The following SAMD3 variants were observed in gnomAD, a reference collection of about 807,000 sequenced individuals.
The protein encoded by SAMD3 is sterile alpha motif domain containing 3, also known as sterile alpha motif domain-containing protein 3.
A neutral mutation model predicts 58.5 loss-of-function variants in SAMD3; 63 were observed. The observed-to-expected ratio is 1.08, with a 90% CI of 0.88 to 1.33. The LOEUF (loss-of-function observed/expected upper bound fraction) is 1.33. SAMD3 is among the 40% of genes most tolerant of loss of function. SAMD3 has a pLI of 0.00. For missense variants in SAMD3, 604 were observed against 608.4 expected (o/e 0.99, Z 0.08); for synonymous variants, 220 against 210.3 (o/e 1.05, Z -0.40).
intron 2 of SAMD3, among the ~76,000 whole-genome samples, chr6:130,264,398 G>C (rs900902829): frequency 4.6e-5 from 7 of 152,184 alleles, no homozygotes; most frequent in African/African-American, 1.7e-4. Context: ...ATTTTCAAGA[G>C]CTTATCAATC....
chr6:130,199,168 T>C (rs1317256908), intron 5 of SAMD3, among the ~76,000 whole-genome samples: 1 of 152,156 alleles, frequency 6.6e-6, no homozygotes, highest in Non-Finnish European at 1.5e-5. Context: ...CCACCAGCAA[T>C]AGTATTAGTA....
chr6:130,235,385 T>C (rs1773110704), intron 2 of SAMD3, among the ~76,000 whole-genome samples: 1 of 152,254 alleles, frequency 6.6e-6, no homozygotes. Context: ...TTTTATTCCC[T>C]ACTGTGCTTG....
At chr6:130,362,055 C>T (rs537038654) in intron 1 of SAMD3, among the ~76,000 whole-genome samples, 12 of 152,328 alleles carry the variant, frequency 7.9e-5, no homozygotes, top group South Asian at 6.2e-4. Flanking sequence ...TGTAACACCA[C>T]ACCACCATCA....
chr6:130,196,690 G>GC (rs1794149141), intron 5 of SAMD3, among the ~76,000 whole-genome samples: 1 of 151,948 alleles, frequency 6.6e-6, no homozygotes, highest in Non-Finnish European at 1.5e-5. Context: ...GATTATTCAG[G>GC]CCCCCTCCCT....
At chr6:130,365,386 G>T (rs1272899661) in exon 1 of SAMD3, 2 of 985,544 alleles carry the variant, frequency 2.0e-6, no homozygotes, top group Non-Finnish European at 2.4e-6. Flanking sequence ...TGCCGGGCCG[G>T]CGGGAAGCGT....
intron 2 of SAMD3, among the ~76,000 whole-genome samples, chr6:130,303,476 G>A (rs1321949793): frequency 6.6e-6 from 1 of 152,078 alleles, no homozygotes; most frequent in East Asian, 1.9e-4. Context: ...TCCTCAATCT[G>A]AACCTTTTCC....
intron 2 of SAMD3, among the ~76,000 whole-genome samples, chr6:130,257,934 A>G (rs1352207244): frequency 3.3e-5 from 5 of 152,138 alleles, no homozygotes; most frequent in African/African-American, 1.2e-4. Flanking sequence ...TATACGATCC[A>G]TGCACTTATA....
At chr6:130,352,679 C>T (rs903555225) in intron 1 of SAMD3, among the ~76,000 whole-genome samples, 9 of 152,134 alleles carry the variant, frequency 5.9e-5, no homozygotes, top group Admixed American at 2.6e-4. Context: ...GGTCTTCATG[C>T]TCACTGAGTT....
At chr6:130,223,301 A>G (rs988635456), upstream of SAMD3, among the ~76,000 whole-genome samples, 1 of 152,218 alleles carries the variant, frequency 6.6e-6, no homozygotes, top group Non-Finnish European at 1.5e-5. Context: ...TTTTCTTTGT[A>G]GCTACATCAT....
At chr6:130,173,209 G>A (rs1474539720) in intron 8 of SAMD3, among the ~76,000 whole-genome samples, 2 of 152,096 alleles carry the variant, frequency 1.3e-5, no homozygotes, top group Non-Finnish European at 2.9e-5. Context: ...CTCATTTTCT[G>A]TTCAGTTTTG....
intron 1 of SAMD3, among the ~76,000 whole-genome samples, chr6:130,332,970 G>C (rs1776982641): frequency 6.6e-6 from 1 of 151,928 alleles, no homozygotes; most frequent in Non-Finnish European, 1.5e-5. Flanking sequence ...CCACTTGGTA[G>C]ATTTAGTGAT....
rs1030201289 is a variant in SAMD3 at position 130,298,215 on chromosome 6, T to C, written c.-188+14763A>G. Among the ~76,000 whole-genome samples, 9 of 152,152 alleles carry C rather than the reference T, an allele frequency of 5.9e-5. No individual in the cohort carries two copies. The East Asian group carries it at 1.7e-3, about 29-fold the overall frequency. On this transcript the variant is annotated intron_variant, in intron 2 of 13. Transcript: ENST00000368134. ...CAGAAACATTACAAACCAAAAGAGATTGGGGGCCTAGTTTTAGCCTTCTTA... is the reference window on the plus strand; with the variant it reads ...CAGAAACATTACAAACCAAAAGAGACTGGGGGCCTAGTTTTAGCCTTCTTA...
chr6:130,142,931 T>C (rs930826770), downstream of SAMD3: 1 of 152,238 alleles, frequency 6.6e-6, no homozygotes, highest in Non-Finnish European at 1.5e-5. Flanking sequence ...AAAGGTACAT[T>C]CTAATGAAAG....
chr6:130,212,476 A>C (rs1367447512), intron 4 of SAMD3, among the ~76,000 whole-genome samples: 3 of 152,232 alleles, frequency 2.0e-5, no homozygotes, highest in African/African-American at 7.2e-5. Context: ...TTTCATACTT[A>C]ACACAGGACT....
intron 2 of SAMD3, among the ~76,000 whole-genome samples, chr6:130,263,717 GC>G (rs1156959254): frequency 5.3e-5 from 8 of 152,140 alleles, no homozygotes; most frequent in South Asian, 4.1e-4. Flanking sequence ...GTGGAGACTT[GC>G]CAAGTCAAAG....
intron 2 of SAMD3, among the ~76,000 whole-genome samples, chr6:130,279,974 T>G (rs1290534054): frequency 6.6e-6 from 1 of 152,164 alleles, no homozygotes; most frequent in African/African-American, 2.4e-5. Context: ...CTTTCTCCCC[T>G]TTGACTCTTA....
At chr6:130,279,919 C>T (rs187032758) in intron 2 of SAMD3, among the ~76,000 whole-genome samples, 2 of 152,294 alleles carry the variant, frequency 1.3e-5, no homozygotes, top group East Asian at 3.9e-4. Context: ...AGTCTTTGAG[C>T]TGCACCTCCC....
At chr6:130,240,533 A>C (rs1392948980) in intron 2 of SAMD3, among the ~76,000 whole-genome samples, 1 of 152,212 alleles carries the variant, frequency 6.6e-6, no homozygotes, top group African/African-American at 2.4e-5. Flanking sequence ...AAAGTCTGTA[A>C]CAACATGTCA....
chr6:130,249,328 G>C (rs1374828434), intron 2 of SAMD3, among the ~76,000 whole-genome samples: 1 of 151,940 alleles, frequency 6.6e-6, no homozygotes, highest in Non-Finnish European at 1.5e-5. Flanking sequence ...TGTTAATTTT[G>C]TTTTTATTTT....
Sources: gnomAD v4.1 joint callset for allele counts (sites outside exome capture counted in the v4.1 genomes callset) on GRCh38, gnomAD v4.1.1 for gene constraint, MANE v1.5 for transcripts, NCBI Gene and HGNC (gene_info 2026-07-23, HGNC 2026-07-21) for gene names.